HCN4: variants seen among roughly 807,000 people sequenced by gnomAD.
HCN4 encodes hyperpolarization activated cyclic nucleotide gated potassium channel 4.
Under a neutral mutation model 76.9 loss-of-function variants are expected in HCN4, and 29 were observed. The ratio of observed to expected loss-of-function variants is 0.38; its 90% CI spans 0.28 to 0.51. HCN4 has a LOEUF of 0.51. Among genes scored for constraint, HCN4 ranks in the 20% least tolerant of loss-of-function variants. The probability of loss-of-function intolerance (pLI) is 0.90; values close to 1 mark genes in which losing one functional copy is unlikely to be tolerated. For synonymous variants in HCN4, 772 were observed against 762.5 expected, an observed-to-expected ratio of 1.01 and a Z score of -0.21; for missense variants, 1,416 against 1,715.2, an observed-to-expected ratio of 0.83 and a Z score of 3.08.
In HCN4 at chr15:73,321,927, TAC is replaced by T. The variant is rs2042861288; in HGVS notation, c.*552_*553del. On this transcript the variant is annotated 3_prime_UTR_variant, in exon 8 of 8. Transcript: ENST00000261917. The stretch of plus-strand genomic sequence containing the variant: ...TACATATACACATCTTACATACATA[TAC>T]ATATACATATTCATATACAGATCTT... The T allele has an allele frequency of 5.7e-6, 1 of 175,032 alleles. No individual in the cohort carries two copies. Among genetic ancestry groups the T allele is most frequent in the Admixed American group, 5.5e-5 (1 of 18,328 alleles). The allele number at this position is 175,032 out of a possible 1,614,324, so 10.8% of individuals were successfully genotyped here.
chr15:73,358,601 C>T (rs2043091579), intron 1 of HCN4, among the ~76,000 whole-genome samples: 1 of 152,200 alleles, frequency 6.6e-6, no homozygotes, highest in Non-Finnish European at 1.5e-5. Flanking sequence ...CAGGCAAACA[C>T]ACCACACGTA....
chr15:73,368,832 C>G lies in HCN4; in HGVS notation c.-562G>C, dbSNP rs2043143698. Reference sequence around the variant, plus strand: ...CCCGCCGCAACCGAGCGGAGCCCAGCGACCCGCCGGGCTTACATCAGCGGC... The same window carrying G: ...CCCGCCGCAACCGAGCGGAGCCCAGGGACCCGCCGGGCTTACATCAGCGGC... On this transcript the variant is annotated 5_prime_UTR_variant, in exon 1 of 8. Coordinates refer to ENST00000261917, the MANE Select transcript of HCN4 (RefSeq NM_005477.3). This position sits in a 1 kb window ranked among gnomAD's most constrained non-coding sequence, Gnocchi z 6.9. The G allele has an allele frequency of 6.6e-6, 1 of 152,160 alleles. No individual in the cohort carries two copies. The highest frequency in any genetic ancestry group is 2.1e-4 in the South Asian group (1 of 4,840). The allele number at this position is 152,160 out of a possible 1,614,324, so 9.4% of individuals were successfully genotyped here. A position where few individuals can be genotyped will look rare whatever the true frequency, so the allele number is the denominator to read the frequency against.
intron 6 of HCN4, among the ~76,000 whole-genome samples, chr15:73,324,574 G>A (rs1402053493): frequency 1.3e-5 from 2 of 152,206 alleles, no homozygotes; most frequent in Admixed American, 6.5e-5. Context: ...TGGAGCCCTC[G>A]TGGATGGAAT....
intron 1 of HCN4, among the ~76,000 whole-genome samples, chr15:73,346,755 G>A (rs937254465): frequency 6.6e-6 from 1 of 152,194 alleles, no homozygotes; most frequent in African/African-American, 2.4e-5. Context: ...TGGCCTAGAA[G>A]GGTGAGGCCG....
intron 4 of HCN4, among the ~76,000 whole-genome samples, chr15:73,327,381 G>C (rs1261632109): frequency 6.6e-6 from 1 of 152,086 alleles, no homozygotes; most frequent in Non-Finnish European, 1.5e-5. Flanking sequence ...AAAGTGCTGG[G>C]ATTACAGGCG....
At chr15:73,334,378 C>T (rs973206955) in intron 2 of HCN4, among the ~76,000 whole-genome samples, 1 of 152,094 alleles carries the variant, frequency 6.6e-6, no homozygotes, top group Non-Finnish European at 1.5e-5. Context: ...TGTTCAGGCA[C>T]CTGTATCCTA....
intron 1 of HCN4, among the ~76,000 whole-genome samples, chr15:73,351,302 A>T (rs1484452649): frequency 6.6e-6 from 1 of 151,658 alleles, no homozygotes; most frequent in Non-Finnish European, 1.5e-5. Flanking sequence ...GATTTCACTG[A>T]CTCCCATGGC....
At chr15:73,361,451 T>C (rs2043104380) in intron 1 of HCN4, among the ~76,000 whole-genome samples, 2 of 152,202 alleles carry the variant, frequency 1.3e-5, no homozygotes, top group Non-Finnish European at 2.9e-5. Context: ...CGTGAATTCT[T>C]CAGCATCCCC....
At chr15:73,353,247 C>A (rs1354353187) in intron 1 of HCN4, among the ~76,000 whole-genome samples, 1 of 152,192 alleles carries the variant, frequency 6.6e-6, no homozygotes, top group East Asian at 1.9e-4. Context: ...CAGAAACATT[C>A]ATCTACCTTT....
Position 73,322,516 on chromosome 15 carries a change from C to G in HCN4, c.3577G>C (p.Glu1193Gln), listed in dbSNP as rs200507617. 5.7e-4 allele frequency: 912 copies of G among 1,602,272 alleles called. 3 individuals are homozygous for G. Among genetic ancestry groups the G allele is most frequent in the Non-Finnish European group, 5.3e-4 (618 of 1,174,618 alleles). Residue 1193 changes from glutamate to glutamine, a missense_variant, in exon 8 of 8, where the codon GAG becomes CAG. Glu to Gln is a conservative substitution (Grantham distance 29). Coordinates refer to ENST00000261917, the MANE Select transcript of HCN4 (RefSeq NM_005477.3). ...GATGGCAGTTTGGAGCGCACTGGCTCAGGCCTGGCCCCAGGTTCCCTCTGG... is the reference window on the plus strand; with the variant it reads ...GATGGCAGTTTGGAGCGCACTGGCTGAGGCCTGGCCCCAGGTTCCCTCTGG... ...GPQREPGARP[E>Q]PVRSKLPSNL is the part of the protein sequence containing the mutation.
intron 1 of HCN4, among the ~76,000 whole-genome samples, chr15:73,366,854 G>C (rs996263343): frequency 1.3e-5 from 2 of 152,220 alleles, no homozygotes; most frequent in African/African-American, 2.4e-5. Context: ...AGGTCATTCA[G>C]CCCTGCCGCT....
At chr15:73,363,376 T>G (rs2043115100) in intron 1 of HCN4, among the ~76,000 whole-genome samples, 1 of 152,186 alleles carries the variant, frequency 6.6e-6, no homozygotes, top group Non-Finnish European at 1.5e-5. Context: ...CTCAGGCATC[T>G]AACTCTGAGC....
intron 1 of HCN4, among the ~76,000 whole-genome samples, chr15:73,357,698 T>C (rs1480683407): frequency 1.3e-5 from 2 of 151,930 alleles, no homozygotes; most frequent in Admixed American, 1.3e-4. Flanking sequence ...CATGACCTAA[T>C]GGAGGGAGGG....
chr15:73,350,997 G>A (rs2043053199), intron 1 of HCN4, among the ~76,000 whole-genome samples: 1 of 152,146 alleles, frequency 6.6e-6, no homozygotes, highest in African/African-American at 2.4e-5. Context: ...GAGAAGCGAT[G>A]CTGCTCTCCA....
chr15:73,330,074 G>A (rs1381147425), intron 3 of HCN4, among the ~76,000 whole-genome samples: 2 of 152,182 alleles, frequency 1.3e-5, no homozygotes, highest in East Asian at 1.9e-4. Flanking sequence ...GGGCAGCTTG[G>A]AGCCTCCTGG....
rs62641690 is a variant in HCN4 at position 73,325,352 on chromosome 15, G to T, written c.1683C>A (p.Gly561=). 2,818 of 1,613,812 alleles carry T rather than the reference G, an allele frequency of 1.7e-3. 41 individuals carry two copies. The African/African-American group carries it at 0.033, about 19-fold the overall frequency. Residue 561 remains glycine, a synonymous_variant, in exon 5 of 8, where the codon GGC becomes GGA. Transcript: ENST00000261917. The surrounding 1 kb of genome is among the most constrained non-coding windows in gnomAD (Gnocchi z 7.4). ...GGATGCTCTCCTCGTCGAACATCTT[G>T]CCCTGGTAGCGGTGCTCGTAGTAGT... ...IHDYYEHRYQ[G]KMFDEESILG...
chr15:73,365,068 A>C (rs950184272), intron 1 of HCN4, among the ~76,000 whole-genome samples: 2 of 152,212 alleles, frequency 1.3e-5, no homozygotes, highest in Non-Finnish European at 2.9e-5. Context: ...GCGATTGGCT[A>C]CACATAGAGG....
intron 2 of HCN4, among the ~76,000 whole-genome samples, chr15:73,341,968 G>T (rs1363292941): frequency 6.6e-6 from 1 of 152,208 alleles, no homozygotes; most frequent in Non-Finnish European, 1.5e-5. Context: ...CAAGCAGGGG[G>T]TCCTGGAGGC....
At chr15:73,339,638 A>T (rs1344561663) in intron 2 of HCN4, among the ~76,000 whole-genome samples, 1 of 152,238 alleles carries the variant, frequency 6.6e-6, no homozygotes, top group Non-Finnish European at 1.5e-5. Flanking sequence ...AAGTGGGGAA[A>T]CTGAGGCCCA....
Sources: allele counts gnomAD v4.1 joint callset (sites outside exome capture counted in the v4.1 genomes callset), GRCh38; gene constraint gnomAD v4.1.1; non-coding constraint Gnocchi (gnomAD v3.1); transcripts MANE v1.5; gene names NCBI Gene and HGNC (gene_info 2026-07-23, HGNC 2026-07-21).